EFCAB13: variants seen among roughly 807,000 people sequenced by gnomAD.
The protein encoded by EFCAB13 is EF-hand calcium-binding domain-containing protein 13.
In EFCAB13, 91 loss-of-function variants were observed where a neutral mutation model predicts 110.2. That is an observed-to-expected ratio of 0.83 (90% CI 0.70 to 0.98). The LOEUF (loss-of-function observed/expected upper bound fraction) is 0.98. Ranked by LOEUF, EFCAB13 falls within the 50% of genes least tolerant of loss-of-function variation. EFCAB13 has a pLI of 0.00. For missense variants in EFCAB13, 968 were observed against 1,119.4 expected (o/e 0.86, Z 1.93); for synonymous variants, 323 against 369.9 (o/e 0.87, Z 1.45).
chr17:47,422,365 C>T (rs1028712514), intron 23 of EFCAB13, among the ~76,000 whole-genome samples: 3 of 152,058 alleles, frequency 2.0e-5, no homozygotes, highest in East Asian at 1.9e-4. Flanking sequence ...TCTGTTCAAC[C>T]GTGTACTGGA....
intron 15 of EFCAB13, among the ~76,000 whole-genome samples, chr17:47,392,629 T>G (rs1173987062): frequency 6.6e-6 from 1 of 152,006 alleles, no homozygotes; most frequent in Admixed American, 6.6e-5. Flanking sequence ...TATGATAAAG[T>G]GGTGGATAAC....
At chr17:47,339,536 G>C (rs577104145) in intron 5 of EFCAB13, among the ~76,000 whole-genome samples, 1 of 152,036 alleles carries the variant, frequency 6.6e-6, no homozygotes, top group African/African-American at 2.4e-5. Flanking sequence ...GAGCTCAGGT[G>C]GTAATGCTTA....
chr17:47,378,894 A>G (rs1479476200), intron 13 of EFCAB13, among the ~76,000 whole-genome samples: 1 of 152,112 alleles, frequency 6.6e-6, no homozygotes, highest in Non-Finnish European at 1.5e-5. Flanking sequence ...AGAAATTAGT[A>G]TCTAACTCAG....
Position 47,404,031 on chromosome 17 carries a change from T to C in EFCAB13, c.2161+10T>C. 3.2e-6 allele frequency: 5 copies of C among 1,580,142 alleles called. No individual in the cohort carries two copies. The highest frequency in any genetic ancestry group is 4.3e-6 in the Non-Finnish European group (5 of 1,166,556). On this transcript the variant is annotated intron_variant, in intron 19 of 24. Transcript: ENST00000331493. ...TCAGATTTTGTTTCTGGTAAGCATTTTAAATATTACTCTCAGGTTTTTTTT... is the reference window on the plus strand; with the variant it reads ...TCAGATTTTGTTTCTGGTAAGCATTCTAAATATTACTCTCAGGTTTTTTTT...
At chr17:47,414,967 T>A in intron 23 of EFCAB13, 48 bp downstream of exon 23, 2 of 1,347,026 alleles carry the variant, frequency 1.5e-6, no homozygotes, top group Non-Finnish European at 2.1e-6. Context: ...AATAAATATT[T>A]AAAAATGACA....
chr17:47,427,622 G>A (rs779264435), intron 23 of EFCAB13, among the ~76,000 whole-genome samples: 9 of 151,966 alleles, frequency 5.9e-5, no homozygotes, highest in Non-Finnish European at 1.2e-4. Context: ...AGATTACAAA[G>A]TTATAGACTC....
At chr17:47,386,568 G>A (rs1284345553) in intron 14 of EFCAB13, among the ~76,000 whole-genome samples, 1 of 152,116 alleles carries the variant, frequency 6.6e-6, no homozygotes, top group African/African-American at 2.4e-5. Flanking sequence ...AGCTTGCTGG[G>A]CTCCATGGGA....
intron 14 of EFCAB13, among the ~76,000 whole-genome samples, chr17:47,384,330 A>G (rs1256176861): frequency 6.6e-6 from 1 of 151,368 alleles, no homozygotes; most frequent in Non-Finnish European, 1.5e-5. Context: ...ATATTGTTCT[A>G]TGTTAATTTC....
intron 11 of EFCAB13, among the ~76,000 whole-genome samples, chr17:47,370,804 C>T (rs1245081964): frequency 2.8e-5 from 4 of 141,834 alleles, no homozygotes; most frequent in East Asian, 2.1e-4. Context: ...TGCAGTGGTG[C>T]GATCTTGGCT....
intron 9 of EFCAB13, among the ~76,000 whole-genome samples, chr17:47,351,208 A>G (rs760031573): frequency 2.6e-5 from 4 of 152,064 alleles, no homozygotes; most frequent in Admixed American, 6.5e-5. Flanking sequence ...AAAGTCAGAT[A>G]GTTAATAGTT....
chr17:47,358,737 T>A (rs2065494105), intron 9 of EFCAB13, among the ~76,000 whole-genome samples: 2 of 152,164 alleles, frequency 1.3e-5, no homozygotes, highest in Non-Finnish European at 2.9e-5. Context: ...CTTTCTCACC[T>A]CAATAGTACA....
In EFCAB13 at chr17:47,395,790, C is replaced by A. The variant is rs537035238; in HGVS notation, c.1802-44C>A. 3.9e-6 allele frequency: 6 copies of A among 1,538,384 alleles called. No individual in the cohort carries two copies. In the South Asian group the frequency reaches 5.2e-5, roughly 13 times the overall value. Reference sequence around the variant, plus strand: ...AGATGACAGTTTACTGTATTAACTTCTTGCATAAGCATTCGTAAAACTTGT... The same window carrying A: ...AGATGACAGTTTACTGTATTAACTTATTGCATAAGCATTCGTAAAACTTGT... On this transcript the variant is annotated intron_variant, in intron 16 of 24. Coordinates refer to ENST00000331493, the MANE Select transcript of EFCAB13 (RefSeq NM_152347.5).
intron 23 of EFCAB13, chr17:47,423,670 G>T (rs1288425692): frequency 4.6e-6 from 2 of 433,762 alleles, no homozygotes; most frequent in South Asian, 2.3e-4. Context: ...GGCGCGCGGG[G>T]TCCGCACGAC....
chr17:47,402,808 A>G (rs1334698875), intron 18 of EFCAB13, among the ~76,000 whole-genome samples: 4 of 152,238 alleles, frequency 2.6e-5, no homozygotes, highest in Non-Finnish European at 4.4e-5. Context: ...TGTTGTCAGG[A>G]GAGTGGCATA....
At chr17:47,335,131 G>A in intron 4 of EFCAB13, 65 bp from the exon 5 acceptor site, 2 of 1,427,370 alleles carry the variant, frequency 1.4e-6, no homozygotes, top group Non-Finnish European at 1.9e-6. Flanking sequence ...GATTGACCCA[G>A]AATGTCATAT....
intron 17 of EFCAB13, 63 bp downstream of exon 17, chr17:47,396,040 T>C: frequency 7.0e-7 from 1 of 1,423,122 alleles, no homozygotes; most frequent in South Asian, 1.6e-5. Context: ...TTCTGTCAAC[T>C]CTTGTCATTG....
At chr17:47,329,910 G>A (rs1351465036) in intron 4 of EFCAB13, 1 of 152,142 alleles carries the variant, frequency 6.6e-6, no homozygotes, top group Non-Finnish European at 1.5e-5. Context: ...TTAAAGGTAT[G>A]CCTTTGTTAT....
chr17:47,429,316 T>G (rs9893901), intron 23 of EFCAB13, among the ~76,000 whole-genome samples: 78,613 of 152,010 alleles, frequency 0.52, 20,825 homozygotes, highest in Middle Eastern at 0.56. Context: ...GATTTAAAGC[T>G]TATTAGTAAT....
intron 18 of EFCAB13, among the ~76,000 whole-genome samples, chr17:47,402,725 TAGA>T (rs1203630009): frequency 6.6e-6 from 1 of 151,966 alleles, no homozygotes; most frequent in Admixed American, 6.6e-5. Flanking sequence ...GGATGAGAGG[TAGA>T]AGGAGGATTA....
Sources: allele counts gnomAD v4.1 joint callset (sites outside exome capture counted in the v4.1 genomes callset), GRCh38; gene constraint gnomAD v4.1.1; transcripts MANE v1.5; gene names NCBI Gene and HGNC (gene_info 2026-07-23, HGNC 2026-07-21).